VPS18: variants seen among roughly 807,000 people sequenced by gnomAD.
VPS18 encodes the protein VPS18 core subunit of CORVET and HOPS complexes.
VPS18 carries 25 observed loss-of-function variants against 82.0 expected under a neutral mutation model. That is an observed-to-expected ratio of 0.30 (90% CI 0.22 to 0.43). The LOEUF (loss-of-function observed/expected upper bound fraction) is 0.43, where lower values mean the gene tolerates loss of function less well. Ranked by LOEUF, VPS18 falls within the 20% of genes least tolerant of loss-of-function variation. The pLI, the probability that VPS18 is intolerant of heterozygous loss-of-function variation, is 1.00. For missense variants in VPS18, 1,168 were observed against 1,311.1 expected (o/e 0.89, Z 1.69); for synonymous variants, 523 against 543.0 (o/e 0.96, Z 0.51).
rs1363985207 is a variant in VPS18, at chr15:40,902,535, C to T, written c.2197-81C>T. 1.5e-5 allele frequency: 22 copies of T among 1,516,488 alleles called. No homozygotes were observed. Among genetic ancestry groups the T allele is most frequent in the East Asian group, 2.3e-5 (1 of 43,778 alleles). 93.9% of individuals were successfully genotyped at this position (1,516,488 alleles called of 1,614,324 possible). A position where few individuals can be genotyped will look rare whatever the true frequency, so the allele number is the denominator to read the frequency against. On this transcript the variant is annotated intron_variant, in intron 4 of 4. Transcript: ENST00000220509. This position sits in a 1 kb window ranked among gnomAD's most constrained non-coding sequence, Gnocchi z 4.2. Reference sequence around the variant, plus strand: ...TGCTGGGAATCCTGCCTCGGGGCCTCTCCTCGGCCATCTCTCTCTCCCATA... The same window carrying T: ...TGCTGGGAATCCTGCCTCGGGGCCTTTCCTCGGCCATCTCTCTCTCCCATA...
At position 40,900,287 on chromosome 15, in the gene VPS18, TGCTGACCACCTG is replaced by T; in HGVS notation, c.1476_1487del (p.Thr493_Thr496del). The T allele has an allele frequency of 6.2e-7, 1 of 1,613,674 alleles. No individual in the cohort carries two copies. Among genetic ancestry groups the T allele is most frequent in the African/African-American group, 1.3e-5 (1 of 74,980 alleles). ...CCAGCCGAACGTACCCAGGCCACAC[TGCTGACCACCTG>T]GCTGACAGAGCTCTACCTGAGCCGG... On this transcript the variant is annotated inframe_deletion, in exon 4 of 5. Transcript: ENST00000220509. The surrounding 1 kb of genome is among the most constrained non-coding windows in gnomAD (Gnocchi z 5.4).
At chr15:40,901,451 G>A (rs1596178791) in intron 4 of VPS18, among the ~76,000 whole-genome samples, 4 of 152,050 alleles carry the variant, frequency 2.6e-5, no homozygotes, top group Non-Finnish European at 4.4e-5. Context: ...GCCGGACATT[G>A]TGGTGCATGC....
chr15:40,895,136 GT>G (rs1040283444), intron 1 of VPS18, among the ~76,000 whole-genome samples: 1 of 152,232 alleles, frequency 6.6e-6, no homozygotes, highest in African/African-American at 2.4e-5. Context: ...ACAGGGCGCA[GT>G]TGGGCTGTTG....
At chr15:40,898,775 A>T (rs1892281567) in intron 2 of VPS18, 132 bp from the exon 3 acceptor site, 3 of 996,576 alleles carry the variant, frequency 3.0e-6, no homozygotes, top group Non-Finnish European at 4.6e-6. Flanking sequence ...CCTGGCCTGT[A>T]TTCAGCATTT....
chr15:40,895,937 G>A lies in VPS18; in HGVS notation c.92-1G>A. 1 of 1,614,148 alleles carries A rather than the reference G, an allele frequency of 6.2e-7. No homozygotes were observed. Among genetic ancestry groups the A allele is most frequent in the Non-Finnish European group, 8.5e-7 (1 of 1,180,014 alleles). The stretch of plus-strand genomic sequence containing the variant: ...ATCTTCTTGTCATTCCTTACCTGTA[G>A]GGTATGTGAATGCCCAGCTGGAGAA... On this transcript the variant is annotated splice_acceptor_variant, in intron 1 of 4. Coordinates refer to ENST00000220509, the MANE Select transcript of VPS18 (RefSeq NM_020857.3). LOFTEE classifies it high-confidence loss of function.
At position 40,903,181 on chromosome 15, in the gene VPS18, G is replaced by A. The variant is rs1281325443; in HGVS notation, c.2762G>A (p.Gly921Glu). The A allele has an allele frequency of 1.2e-6, 2 of 1,607,748 alleles. No individual in the cohort carries two copies. The highest frequency in any genetic ancestry group is 8.5e-7 in the Non-Finnish European group (1 of 1,177,090). ...GSARAKEAEG[G>E]AATAGPSREQ... ...GCCCGGGCCAAGGAGGCCGAGGGTG[G>A]GGCTGCCACGGCAGGGCCCAGCCGG... The change falls in exon 5 of 5, where the codon GGG becomes GAG. Residue 921 changes from glycine (G) to glutamate (E), a missense_variant. Gly to Glu is a moderately conservative substitution (Grantham distance 98). This residue lies in a region of VPS18 where 296 missense variants were observed against 354.0 expected (regional missense o/e 0.84). Transcript: ENST00000220509.
Position 40,899,028 on chromosome 15 carries a change from G to A in VPS18, c.325+30G>A. On this transcript the variant is annotated intron_variant, in intron 3 of 4. Coordinates refer to ENST00000220509, the MANE Select transcript of VPS18 (RefSeq NM_020857.3). This position sits in a 1 kb window ranked among gnomAD's most constrained non-coding sequence, Gnocchi z 4.4. ...GTAACAGTGGAGATCTGAGGAGGGG[G>A]TCTCTGGTCAGTCACTGCCTGGGTG... 1 of 1,612,596 alleles carries A rather than the reference G, an allele frequency of 6.2e-7. No individual in the cohort carries two copies. Among genetic ancestry groups the A allele is most frequent in the Non-Finnish European group, 8.5e-7 (1 of 1,179,200 alleles).
intron 4 of VPS18, among the ~76,000 whole-genome samples, chr15:40,901,462 C>T (rs556018497): frequency 6.6e-6 from 1 of 152,022 alleles, no homozygotes; most frequent in South Asian, 2.1e-4. Flanking sequence ...TGGTGCATGC[C>T]TGTAATCCCA....
In VPS18 at chr15:40,899,121, G is replaced by A. The variant is rs1892290070; in HGVS notation, c.326-23G>A. On this transcript the variant is annotated intron_variant, in intron 3 of 4. Coordinates refer to ENST00000220509, the MANE Select transcript of VPS18 (RefSeq NM_020857.3). The surrounding 1 kb of genome is among the most constrained non-coding windows in gnomAD (Gnocchi z 4.4). ...GATGGGAACGGCAGCATCCACTGGG[G>A]CGCCATGCTCTCCCCACTCCAGGCT... 3 of 1,606,162 alleles carry A rather than the reference G, an allele frequency of 1.9e-6. No homozygotes were observed. The highest frequency in any genetic ancestry group is 1.3e-5 in the African/African-American group (1 of 74,818).
chr15:40,903,410 C>G lies in VPS18; in HGVS notation c.*69C>G. The stretch of plus-strand genomic sequence containing the variant: ...GCTTGAACCCACTTGAGAAGGCTGC[C>G]TCCTAGGCTCTGCTCAGTCATCTTG... On this transcript the variant is annotated 3_prime_UTR_variant, in exon 5 of 5. Transcript: ENST00000220509. The G allele has an allele frequency of 2.0e-6, 3 of 1,502,828 alleles. No homozygotes were observed. The highest frequency in any genetic ancestry group is 2.7e-6 in the Non-Finnish European group (3 of 1,127,346). 93.1% of individuals were successfully genotyped at this position (1,502,828 alleles called of 1,614,324 possible).
intron 2 of VPS18, among the ~76,000 whole-genome samples, chr15:40,898,306 C>T (rs1477081941): frequency 6.6e-6 from 1 of 151,318 alleles, no homozygotes; most frequent in African/African-American, 2.4e-5. Context: ...GCTATATTGC[C>T]CAGGCAGGCC....
Position 40,898,934 on chromosome 15 carries a change from C to T in VPS18, c.261C>T (p.Pro87=). 3.1e-6 allele frequency: 5 copies of T among 1,614,086 alleles called. No individual in the cohort carries two copies. Among genetic ancestry groups the T allele is most frequent in the Non-Finnish European group, 4.2e-6 (5 of 1,180,008 alleles). The change falls in exon 3 of 5, where the codon CCC becomes CCT. Residue 87 remains proline, a synonymous_variant. Coordinates refer to ENST00000220509, the MANE Select transcript of VPS18 (RefSeq NM_020857.3). ...TTGACTTGGGCAAGGCAAATGAGCC[C>T]AACCACGTGGAGCTGGGACGTAAGG... ...LRIDLGKANE[P]NHVELGRKDD... is the part of the protein sequence containing the mutation.
rs773043561 is a variant in VPS18, at chr15:40,902,830, C to T, written c.2411C>T (p.Ala804Val). 34 of 1,614,122 alleles carry T rather than the reference C, an allele frequency of 2.1e-5. No homozygotes were observed. Among genetic ancestry groups the T allele is most frequent in the Middle Eastern group, 1.6e-4 (1 of 6,084 alleles). ...DFVTIDHFKEAICSSLKAYNH... is the reference protein window; with the variant it reads ...DFVTIDHFKEVICSSLKAYNH... ...GTCACCATCGACCACTTCAAGGAGG[C>T]GATCTGCAGCTCACTTAAGGCCTAC... The change falls in exon 5 of 5, where the codon GCG (alanine) becomes GTG (valine). Residue 804 changes from alanine (A) to valine (V), a missense_variant. Coordinates refer to ENST00000220509, the MANE Select transcript of VPS18 (RefSeq NM_020857.3). This position sits in a 1 kb window ranked among gnomAD's most constrained non-coding sequence, Gnocchi z 4.2.
intron 2 of VPS18, 125 bp downstream of exon 2, chr15:40,896,204 C>A (rs1892227009): frequency 7.3e-7 from 1 of 1,370,250 alleles, no homozygotes; most frequent in Non-Finnish European, 9.9e-7. Flanking sequence ...CAGGAAATAT[C>A]CTATCCCTTT....
chr15:40,900,253 A>G lies in VPS18; in HGVS notation c.1435A>G (p.Ser479Gly), dbSNP rs1440379903. ...LAEFLQRKLA[S>G]LKPAERTQAT... ...TGAGTTCCTGCAGCGAAAACTGGCCAGTTTGAAGCCAGCCGAACGTACCCA... is the reference window on the plus strand; with the variant it reads ...TGAGTTCCTGCAGCGAAAACTGGCCGGTTTGAAGCCAGCCGAACGTACCCA... The change falls in exon 4 of 5, where the codon AGT becomes GGT. Residue 479 changes from serine to glycine, a missense_variant. Physicochemically the swap from Ser to Gly is moderately conservative, Grantham distance 56. This residue lies in a region of VPS18 where 868 missense variants were observed against 939.8 expected (regional missense o/e 0.92). Coordinates refer to ENST00000220509, the MANE Select transcript of VPS18 (RefSeq NM_020857.3). This position sits in a 1 kb window ranked among gnomAD's most constrained non-coding sequence, Gnocchi z 5.4. The G allele has an allele frequency of 1.9e-6, 3 of 1,613,596 alleles. No homozygotes were observed. Among genetic ancestry groups the G allele is most frequent in the African/African-American group, 2.7e-5 (2 of 74,882 alleles).
chr15:40,897,135 A>T (rs1249704583), intron 2 of VPS18, among the ~76,000 whole-genome samples: 1 of 152,014 alleles, frequency 6.6e-6, no homozygotes, highest in Admixed American at 6.6e-5. Flanking sequence ...TTCTCTACTA[A>T]AAATATAAAA....
At position 40,900,616 on chromosome 15, in the gene VPS18, C is replaced by G. The variant is rs377448468; in HGVS notation, c.1798C>G (p.Pro600Ala). 2 of 1,614,098 alleles carry G rather than the reference C, an allele frequency of 1.2e-6. No homozygotes were observed. The highest frequency in any genetic ancestry group is 1.7e-6 in the Non-Finnish European group (2 of 1,180,040). Residue 600 changes from proline (P) to alanine (A), a missense_variant, in exon 4 of 5, where the codon CCC becomes GCC. This residue lies in a region of VPS18 where 868 missense variants were observed against 939.8 expected (regional missense o/e 0.92). Transcript: ENST00000220509. This position sits in a 1 kb window ranked among gnomAD's most constrained non-coding sequence, Gnocchi z 5.4. ...CCCCCAGCTCTTCTACAAGTTCTCA[C>G]CCATCCTCATCCGTCACATCCCCCG... ...RDPQLFYKFS[P>A]ILIRHIPRQL...
chr15:40,900,949 C>T lies in VPS18; in HGVS notation c.2131C>T (p.Arg711Cys), dbSNP rs753659092. ...LRLCAEHGHH[R>C]ACVHVYKVLE... The stretch of plus-strand genomic sequence containing the variant: ...GCTCTGCGCCGAGCATGGCCACCAC[C>T]GCGCTTGTGTCCATGTCTACAAGGT... Residue 711 changes from arginine (R) to cysteine (C), a missense_variant, in exon 4 of 5, where the codon CGC (arginine) becomes TGC (cysteine). Coordinates refer to ENST00000220509, the MANE Select transcript of VPS18 (RefSeq NM_020857.3). This position sits in a 1 kb window ranked among gnomAD's most constrained non-coding sequence, Gnocchi z 5.4. 9.9e-6 allele frequency: 16 copies of T among 1,612,184 alleles called. No homozygotes were observed. The highest frequency in any genetic ancestry group is 8.9e-5 in the East Asian group (4 of 44,892).
Position 40,899,575 on chromosome 15 carries a change from G to A in VPS18, c.757G>A (p.Asp253Asn). The A allele has an allele frequency of 1.2e-6, 2 of 1,608,224 alleles. No homozygotes were observed. The highest frequency in any genetic ancestry group is 1.1e-5 in the South Asian group (1 of 91,086). ...CTCAGGGCTCTTTGCAGCTTACACG[G>A]ACCACCCACCCCCATTCCGTGAGTT... is the stretch of plus-strand genomic sequence containing the variant. ...GFSGLFAAYT[D>N]HPPPFREFPS... The change falls in exon 4 of 5, where the codon GAC (aspartate) becomes AAC (asparagine). Residue 253 changes from aspartate to asparagine, a missense_variant. This residue lies in a region of VPS18 where 868 missense variants were observed against 939.8 expected (regional missense o/e 0.92). Coordinates refer to ENST00000220509, the MANE Select transcript of VPS18 (RefSeq NM_020857.3). This position sits in a 1 kb window ranked among gnomAD's most constrained non-coding sequence, Gnocchi z 4.4.
Sources: gnomAD v4.1 joint callset for allele counts (sites outside exome capture counted in the v4.1 genomes callset) on GRCh38, gnomAD v4.1.1 for gene constraint, gnomAD v4.1.1 regional missense constraint, Gnocchi (gnomAD v3.1) non-coding constraint, MANE v1.5 for transcripts, NCBI Gene and HGNC (gene_info 2026-07-23, HGNC 2026-07-21) for gene names.